RBFOX1: variants seen among roughly 807,000 people sequenced by gnomAD.
RBFOX1 encodes RNA binding fox-1 homolog 1, also known as RNA binding protein fox-1 homolog 1.
RBFOX1 carries 8 observed loss-of-function variants against 57.7 expected under a neutral mutation model. That is an observed-to-expected ratio of 0.14 (90% CI 0.08 to 0.25). The LOEUF is 0.25. Ranked by LOEUF, RBFOX1 falls within the 10% of genes least tolerant of loss-of-function variation. The probability of loss-of-function intolerance (pLI) is 1.00; values close to 1 mark genes in which losing one functional copy is unlikely to be tolerated. For synonymous variants in RBFOX1, 326 were observed against 222.4 expected (o/e 1.47, Z -4.15); for missense variants, 611 against 548.5 (o/e 1.11, Z -1.14).
At chr16:6,911,748 T>C (rs1286159888) in intron 3 of RBFOX1, among the ~76,000 whole-genome samples, 1 of 152,212 alleles carries the variant, frequency 6.6e-6, no homozygotes, top group African/African-American at 2.4e-5. Context: ...TATTTTACCA[T>C]GCATACCTAC....
intron 3 of RBFOX1, among the ~76,000 whole-genome samples, chr16:6,846,945 C>A (rs909684934): frequency 1.3e-5 from 2 of 151,638 alleles, no homozygotes; most frequent in African/African-American, 2.4e-5. Context: ...GTGATGGCTA[C>A]AGTTTTACCA....
intron 4 of RBFOX1, among the ~76,000 whole-genome samples, chr16:7,169,454 G>C (rs1252183475): frequency 6.6e-6 from 1 of 152,184 alleles, no homozygotes; most frequent in Non-Finnish European, 1.5e-5. Context: ...GTATCTGCTA[G>C]ATTCAGTAGC....
intron 2 of RBFOX1, among the ~76,000 whole-genome samples, chr16:6,538,435 T>G (rs1022196518): frequency 6.6e-6 from 1 of 152,138 alleles, no homozygotes; most frequent in Non-Finnish European, 1.5e-5. Context: ...GAGGCTGCAG[T>G]GAGTGGTGAT....
intron 3 of RBFOX1, among the ~76,000 whole-genome samples, chr16:6,914,909 G>T (rs77484565): frequency 6.6e-6 from 1 of 152,180 alleles, no homozygotes; most frequent in African/African-American, 2.4e-5. Context: ...AGATGGATAG[G>T]TTTGAGACAG....
chr16:6,710,960 G>C (rs1322959933), intron 3 of RBFOX1, among the ~76,000 whole-genome samples: 1 of 152,200 alleles, frequency 6.6e-6, no homozygotes, highest in East Asian at 1.9e-4. Flanking sequence ...TGTAACGGGA[G>C]TGCAATTCCC....
chr16:6,441,087 C>T (rs1038235122), intron 2 of RBFOX1, among the ~76,000 whole-genome samples: 2 of 151,688 alleles, frequency 1.3e-5, no homozygotes, highest in African/African-American at 2.4e-5. Context: ...AGAGTCATGG[C>T]GGACGGAGAG....
chr16:5,344,863 T>A (rs2065106468), intron 1 of RBFOX1, among the ~76,000 whole-genome samples: 1 of 152,252 alleles, frequency 6.6e-6, no homozygotes, highest in South Asian at 2.1e-4. Context: ...ATGGATGATC[T>A]GATGAAGGCA....
chr16:6,666,668 T>A (rs1210325899), intron 3 of RBFOX1, among the ~76,000 whole-genome samples: 1 of 152,124 alleles, frequency 6.6e-6, no homozygotes, highest in Non-Finnish European at 1.5e-5. Context: ...CTTCCAAGCA[T>A]GCTTCACAGG....
intron 1 of RBFOX1, among the ~76,000 whole-genome samples, chr16:6,063,460 C>T (rs1215621779): frequency 8.7e-6 from 1 of 114,666 alleles, no homozygotes; most frequent in Non-Finnish European, 1.8e-5. Flanking sequence ...TGTTCTCTTT[C>T]TCCGACACAC....
chr16:7,306,947 T>C (rs1453476734), intron 4 of RBFOX1, among the ~76,000 whole-genome samples: 2 of 152,228 alleles, frequency 1.3e-5, no homozygotes, highest in East Asian at 3.8e-4. Flanking sequence ...ATTGGATCTC[T>C]AGCTAATTTT....
chr16:6,002,413 G>A lies in RBFOX1; in HGVS notation c.351+135078G>A, dbSNP rs146178587. On this transcript the variant is annotated intron_variant, in intron 4 of 19. Coordinates refer to the RBFOX1 transcript ENST00000641259. ...GAGGAAGTAGCAGCTCTGGCTGTGC[G>A]TACTAGTTAACAAGACTCACTTTCC... 7.4e-3 allele frequency among the ~76,000 whole-genome samples: 1,132 copies of A among 152,314 alleles called. 12 individuals are homozygous for A. The highest frequency in any genetic ancestry group is 0.011 in the Admixed American group (172 of 15,296).
rs139673824 is a variant in RBFOX1 at position 5,733,406 on chromosome 16, C to T, written c.319-133897C>T. On this transcript the variant is annotated intron_variant, in intron 3 of 19. Transcript: ENST00000641259. ...CCATGATTCACATTGCCAGGTGATC[C>T]GAAGATCAACTCCAATGTGCAAGTG... is the stretch of plus-strand genomic sequence containing the variant. 3.9e-5 allele frequency among the ~76,000 whole-genome samples: 6 copies of T among 152,234 alleles called. No homozygotes were observed. The East Asian group carries it at 9.7e-4, about 25-fold the overall frequency.
intron 1 of RBFOX1, among the ~76,000 whole-genome samples, chr16:6,042,692 A>G (rs892957): frequency 0.3 from 45,006 of 152,002 alleles, 7,208 homozygotes; most frequent in Non-Finnish European, 0.37. Context: ...AAGCGTGTCT[A>G]AGATGACTGG....
intron 3 of RBFOX1, among the ~76,000 whole-genome samples, chr16:6,948,545 G>T (rs2080041162): frequency 6.6e-6 from 1 of 151,628 alleles, no homozygotes. Context: ...ACCATGCCCA[G>T]CTAATTTTTG....
chr16:6,325,219 C>G (rs752900624), intron 2 of RBFOX1, among the ~76,000 whole-genome samples: 1 of 152,018 alleles, frequency 6.6e-6, no homozygotes, highest in Non-Finnish European at 1.5e-5. Flanking sequence ...ATTATCCAGG[C>G]ATGGTGGTGT....
intron 3 of RBFOX1, among the ~76,000 whole-genome samples, chr16:6,861,662 C>T (rs1037691534): frequency 6.6e-6 from 1 of 151,960 alleles, no homozygotes; most frequent in East Asian, 1.9e-4. Flanking sequence ...GGCATGCAAC[C>T]TCCTCTATTT....
At chr16:5,506,833 C>G (rs1309562521) in intron 2 of RBFOX1, among the ~76,000 whole-genome samples, 1 of 152,062 alleles carries the variant, frequency 6.6e-6, no homozygotes, top group Non-Finnish European at 1.5e-5. Context: ...GGAGTGGGGT[C>G]TAAACTCTTC....
chr16:6,745,643 G>C (rs8047732), intron 3 of RBFOX1, among the ~76,000 whole-genome samples: 39,184 of 152,108 alleles, frequency 0.26, 5,925 homozygotes, highest in Admixed American at 0.37. Context: ...AAGATAAATT[G>C]GTCAATATGA....
At chr16:6,346,936 C>T (rs910242646) in intron 2 of RBFOX1, among the ~76,000 whole-genome samples, 9 of 152,028 alleles carry the variant, frequency 5.9e-5, no homozygotes, top group African/African-American at 1.5e-4. Flanking sequence ...TGGGCAAATT[C>T]AGGATATTTA....
Sources: gnomAD v4.1 joint callset for allele counts (sites outside exome capture counted in the v4.1 genomes callset) on GRCh38, gnomAD v4.1.1 for gene constraint, MANE v1.5 for transcripts, NCBI Gene and HGNC (gene_info 2026-07-23, HGNC 2026-07-21) for gene names.